Variants in CDH18 observed in about 807,000 individuals in gnomAD.
CDH18 encodes cadherin 18, also known as cadherin-18.
In CDH18, 31 loss-of-function variants were observed where a neutral mutation model predicts 67.9. The observed-to-expected ratio is 0.46, with a 90% CI of 0.34 to 0.62. The LOEUF is 0.62. CDH18 is among the 20% of genes least tolerant of loss of function. The pLI is 0.01. For missense variants in CDH18, 890 were observed against 975.5 expected (o/e 0.91, Z 1.17); for synonymous variants, 362 against 347.2 (o/e 1.04, Z -0.48).
chr5:20,357,382 C>T (rs1243596974), intron 1 of CDH18, among the ~76,000 whole-genome samples: 2 of 152,122 alleles, frequency 1.3e-5, no homozygotes, highest in East Asian at 1.9e-4. Context: ...TCAACACACA[C>T]ATAAGCCAAA....
intron 1 of CDH18, among the ~76,000 whole-genome samples, chr5:20,336,968 T>A (rs904233259): frequency 6.6e-6 from 1 of 152,048 alleles, no homozygotes; most frequent in Non-Finnish European, 1.5e-5. Flanking sequence ...ACCCCAGACA[T>A]GTGCAGATGC....
At chr5:20,560,002 G>T (rs983310990) in intron 1 of CDH18, among the ~76,000 whole-genome samples, 2 of 152,074 alleles carry the variant, frequency 1.3e-5, no homozygotes, top group African/African-American at 4.8e-5. Flanking sequence ...TCATAGGGTT[G>T]ATCACTGCAA....
At chr5:20,169,906 A>T (rs912653709) in intron 2 of CDH18, among the ~76,000 whole-genome samples, 2 of 152,296 alleles carry the variant, frequency 1.3e-5, no homozygotes, top group Admixed American at 1.3e-4. Context: ...CTCAATTTAT[A>T]AGCAACAAAG....
At chr5:20,344,414 G>A (rs1740536217) in intron 1 of CDH18, among the ~76,000 whole-genome samples, 1 of 152,014 alleles carries the variant, frequency 6.6e-6, no homozygotes, top group Admixed American at 6.6e-5. Context: ...TCTTGGTATG[G>A]GTAGATACCT....
chr5:20,337,765 T>C (rs1246968074), intron 1 of CDH18, among the ~76,000 whole-genome samples: 2 of 152,240 alleles, frequency 1.3e-5, no homozygotes, highest in Non-Finnish European at 2.9e-5. Flanking sequence ...ACATTTTGGG[T>C]ATCTTTTCAG....
At chr5:19,628,610 C>T (rs1397343033) in intron 5 of CDH18, among the ~76,000 whole-genome samples, 1 of 151,922 alleles carries the variant, frequency 6.6e-6, no homozygotes, top group Non-Finnish European at 1.5e-5. Context: ...ACCTAGAATA[C>T]AGAAAACTGT....
At chr5:20,109,278 G>A (rs932990888) in intron 2 of CDH18, among the ~76,000 whole-genome samples, 4 of 152,184 alleles carry the variant, frequency 2.6e-5, no homozygotes, top group Admixed American at 1.3e-4. Context: ...ACGAAAGAGG[G>A]TTCCTTCTGA....
intron 5 of CDH18, among the ~76,000 whole-genome samples, chr5:19,700,623 T>A (rs904742772): frequency 7.9e-5 from 12 of 152,190 alleles, no homozygotes; most frequent in Admixed American, 3.3e-4. Flanking sequence ...TTGCTTAGGA[T>A]GACTGCTTCA....
chr5:20,119,833 A>T (rs1380079060), intron 2 of CDH18, among the ~76,000 whole-genome samples: 4 of 152,128 alleles, frequency 2.6e-5, no homozygotes, highest in African/African-American at 7.2e-5. Flanking sequence ...TATTACATTT[A>T]TTTCATTAGT....
At chr5:19,927,470 A>C (rs1294426596) in intron 2 of CDH18, among the ~76,000 whole-genome samples, 2 of 152,180 alleles carry the variant, frequency 1.3e-5, no homozygotes, top group Admixed American at 6.5e-5. Context: ...CAGATACTGA[A>C]TTCTTAATGA....
chr5:19,686,500 T>A (rs1031640046), intron 5 of CDH18, among the ~76,000 whole-genome samples: 2 of 152,134 alleles, frequency 1.3e-5, no homozygotes, highest in African/African-American at 2.4e-5. Flanking sequence ...ACACATGCAA[T>A]GAGATAGCCA....
At chr5:20,312,655 C>G (rs1486566994) in intron 1 of CDH18, among the ~76,000 whole-genome samples, 1 of 152,076 alleles carries the variant, frequency 6.6e-6, no homozygotes, top group African/African-American at 2.4e-5. Flanking sequence ...CATGTCAAAG[C>G]CAAAGTCTTC....
At chr5:19,889,137 CA>C (rs1194826986) in intron 2 of CDH18, among the ~76,000 whole-genome samples, 2 of 151,940 alleles carry the variant, frequency 1.3e-5, no homozygotes, top group African/African-American at 2.4e-5. Context: ...ATAATGATAG[CA>C]AAAAAGTCTG....
intron 3 of CDH18, among the ~76,000 whole-genome samples, chr5:19,803,525 C>T (rs1460695591): frequency 6.6e-6 from 1 of 152,134 alleles, no homozygotes; most frequent in Non-Finnish European, 1.5e-5. Flanking sequence ...TACAACATAA[C>T]CACAACTGCA....
intron 2 of CDH18, among the ~76,000 whole-genome samples, chr5:19,880,270 T>C (rs1787495771): frequency 1.3e-5 from 2 of 152,038 alleles, no homozygotes; most frequent in African/African-American, 4.8e-5. Context: ...AGCAGAGGCC[T>C]AGCTATATTA....
intron 2 of CDH18, among the ~76,000 whole-genome samples, chr5:20,132,952 C>T (rs1048974119): frequency 6.6e-6 from 1 of 152,042 alleles, no homozygotes; most frequent in African/African-American, 2.4e-5. Flanking sequence ...GGCAGTCTGA[C>T]AGTCTGCAGA....
chr5:20,254,392 G>A (rs944898937), intron 2 of CDH18, among the ~76,000 whole-genome samples: 3 of 152,182 alleles, frequency 2.0e-5, no homozygotes, highest in South Asian at 2.1e-4. Context: ...TTACAGGCAT[G>A]AGCCACTGCA....
intron 2 of CDH18, among the ~76,000 whole-genome samples, chr5:20,078,314 T>G (rs1222820568): frequency 1.3e-5 from 2 of 151,562 alleles, no homozygotes; most frequent in South Asian, 2.1e-4. Flanking sequence ...TACAAAAAAA[T>G]TAGCTGGGTG....
intron 2 of CDH18, among the ~76,000 whole-genome samples, chr5:19,922,387 T>C (rs1332399168): frequency 2.0e-5 from 3 of 152,190 alleles, no homozygotes; most frequent in Admixed American, 2.0e-4. Context: ...GATCAAAATG[T>C]TCACAAATGT....
Sources: gnomAD v4.1 joint callset for allele counts (sites outside exome capture counted in the v4.1 genomes callset) on GRCh38, gnomAD v4.1.1 for gene constraint, MANE v1.5 for transcripts, NCBI Gene and HGNC (gene_info 2026-07-23, HGNC 2026-07-21) for gene names.